The following RER1 variants were observed in gnomAD, a reference collection of about 807,000 sequenced individuals.
RER1 encodes the protein retention in endoplasmic reticulum sorting receptor 1.
In RER1, 6 loss-of-function variants were observed where a neutral mutation model predicts 28.3. The observed-to-expected ratio is 0.21, with a 90% CI of 0.12 to 0.42. RER1 has a LOEUF of 0.42. Among genes scored for constraint, RER1 ranks in the 10% least tolerant of loss-of-function variants. The probability of loss-of-function intolerance (pLI) is 1.00; values close to 1 mark genes in which losing one functional copy is unlikely to be tolerated. For synonymous variants in RER1, 110 were observed against 95.9 expected (o/e 1.15, Z -0.86); for missense variants, 159 against 252.9 (o/e 0.63, Z 2.52).
At chr1:2,401,814 C>G in intron 5 of RER1, 1 of 519,324 alleles carries the variant, frequency 1.9e-6, no homozygotes, top group Non-Finnish European at 3.4e-6. Context: ...TGTGCTGGGA[C>G]GGGAGGGAGC....
At chr1:2,392,612 C>T (rs1395697588) in intron 1 of RER1, among the ~76,000 whole-genome samples, 2 of 152,226 alleles carry the variant, frequency 1.3e-5, no homozygotes, top group Non-Finnish European at 2.9e-5. Flanking sequence ...CTTCAGTGGG[C>T]TTTTGCCCTT....
At chr1:2,401,909 C>A in intron 5 of RER1, 1 of 971,204 alleles carries the variant, frequency 1.0e-6, no homozygotes, top group Non-Finnish European at 1.5e-6. Flanking sequence ...ATCGCAGGCC[C>A]AGCCAGCAGG....
At chr1:2,401,281 TCCTCCTTCCTC>T (rs1193238828) in intron 5 of RER1, among the ~76,000 whole-genome samples, 1 of 38,074 alleles carries the variant, frequency 2.6e-5, no homozygotes, top group South Asian at 1.1e-3. Flanking sequence ...CCCTCCTCCC[TCCTCCTTCCTC>T]CCTCCTTCCT....
At chr1:2,398,085 G>A (rs966481847) in intron 3 of RER1, among the ~76,000 whole-genome samples, 4 of 152,252 alleles carry the variant, frequency 2.6e-5, no homozygotes, top group Admixed American at 6.5e-5. Context: ...AGCAGGGGGC[G>A]GGAAGAGTGC....
chr1:2,395,652 A>G (rs1642758781), intron 1 of RER1, 132 bp from the exon 2 acceptor site: 1 of 702,916 alleles, frequency 1.4e-6, no homozygotes, highest in Admixed American at 2.3e-5. Context: ...ATTCATGGTA[A>G]AAACACAAAT....
chr1:2,392,901 A>G (rs1452804352), intron 1 of RER1, among the ~76,000 whole-genome samples: 1 of 152,144 alleles, frequency 6.6e-6, no homozygotes, highest in Non-Finnish European at 1.5e-5. Flanking sequence ...GGGGTCTGGG[A>G]GGGCATTTCA....
At chr1:2,402,460 G>C (rs1642880612) in intron 6 of RER1, 118 bp downstream of exon 6, 32 of 1,324,664 alleles carry the variant, frequency 2.4e-5, no homozygotes, top group Non-Finnish European at 3.3e-5. Context: ...TGTGAATGTG[G>C]AGCTAAGTGG....
intron 5 of RER1, among the ~76,000 whole-genome samples, chr1:2,401,710 T>G (rs1397334797): frequency 1.3e-5 from 2 of 151,578 alleles, no homozygotes; most frequent in Admixed American, 1.3e-4. Context: ...GCAGATGGAG[T>G]GTGGTACAGA....
chr1:2,398,125 G>A (rs41477744), intron 3 of RER1, among the ~76,000 whole-genome samples: 2,246 of 152,318 alleles, frequency 0.015, 46 homozygotes, highest in African/African-American at 0.044. Flanking sequence ...TATTGCGTTC[G>A]AAACCAAGCT....
Position 2,405,369 on chromosome 1 carries a change from T to C in RER1, c.*2245T>C, listed in dbSNP as rs1642964674. 3 of 365,502 alleles carry C rather than the reference T, an allele frequency of 8.2e-6. No individual in the cohort carries two copies. Among genetic ancestry groups the C allele is most frequent in the South Asian group, 2.1e-5 (1 of 46,598 alleles). The allele number at this position is 365,502 out of a possible 1,614,324, so 22.6% of individuals were successfully genotyped here. ...ACCCAGCACGCACTCATTCAGTCCA[T>C]TGCCTTAACACAAGCCTGATGGGGC... On this transcript the variant is annotated 3_prime_UTR_variant, in exon 7 of 7. Coordinates refer to ENST00000605895, the MANE Select transcript of RER1 (RefSeq NM_007033.5).
At chr1:2,401,343 TCCCTCCTTCC>T (rs1642853434) in intron 5 of RER1, among the ~76,000 whole-genome samples, 1 of 6,032 alleles carries the variant, frequency 1.7e-4, no homozygotes, top group Non-Finnish European at 3.9e-4. Flanking sequence ...TCCCTCCTTC[TCCCTCCTTCC>T]TCCCTCCTCC....
chr1:2,395,577 C>T, intron 1 of RER1: 1 of 561,986 alleles, frequency 1.8e-6, no homozygotes, highest in Non-Finnish European at 3.2e-6. Flanking sequence ...GCTCCTGGGC[C>T]CATGCGTCTC....
At position 2,403,148 on chromosome 1, in the gene RER1, G is replaced by A. The variant is rs768487998; in HGVS notation, c.*24G>A. On this transcript the variant is annotated 3_prime_UTR_variant, in exon 7 of 7. Transcript: ENST00000605895. ...AGAAGCGGGACTGAGGCTGCCTCAC[G>A]TGTTGCAAGAACAGTTTTGAGCCAT... 5 of 1,584,788 alleles carry A rather than the reference G, an allele frequency of 3.2e-6. No homozygotes were observed. The highest frequency in any genetic ancestry group is 1.7e-5 in the Admixed American group (1 of 59,998).
At chr1:2,392,546 G>A (rs755398679) in intron 1 of RER1, among the ~76,000 whole-genome samples, 4 of 152,202 alleles carry the variant, frequency 2.6e-5, no homozygotes, top group African/African-American at 4.8e-5. Flanking sequence ...TAAAGGTATC[G>A]TTCGTTTCTC....
intron 2 of RER1, 69 bp from the exon 3 acceptor site, chr1:2,397,047 C>G: frequency 1.0e-6 from 1 of 984,120 alleles, no homozygotes; most frequent in African/African-American, 1.6e-5. Context: ...GCAGAAGGTA[C>G]ATTTTGTGGC....
At position 2,401,609 on chromosome 1, in the gene RER1, C is replaced by G. The variant is rs1377617337; in HGVS notation, c.366-598C>G. 4.0e-5 allele frequency among the ~76,000 whole-genome samples: 6 copies of G among 151,700 alleles called. No homozygotes were observed. In the East Asian group the frequency reaches 1.2e-3, roughly 30 times the overall value. On this transcript the variant is annotated intron_variant, in intron 5 of 6. Coordinates refer to ENST00000605895, the MANE Select transcript of RER1 (RefSeq NM_007033.5). Reference sequence around the variant, plus strand: ...TTTGTCTTGTCCCTCATACCCCACTCTGGGAGCACAGGAGGAACCCAAGTC... The same window carrying G: ...TTTGTCTTGTCCCTCATACCCCACTGTGGGAGCACAGGAGGAACCCAAGTC...
chr1:2,395,863 C>G lies in RER1; in HGVS notation c.73C>G (p.Leu25Val), dbSNP rs775455025. The G allele has an allele frequency of 1.2e-6, 2 of 1,613,224 alleles. No homozygotes were observed. Among genetic ancestry groups the G allele is most frequent in the Non-Finnish European group, 1.7e-6 (2 of 1,179,142 alleles). Reference sequence around the variant, plus strand: ...GGTGGTGTACAGATTTTTCACAAGACTTGGACAGGTTGGTGGGTTTTTTAG... The same window carrying G: ...GGTGGTGTACAGATTTTTCACAAGAGTTGGACAGGTTGGTGGGTTTTTTAG... ...PSVVYRFFTR[L>V]GQIYQSWLDK... The change falls in exon 2 of 7, where the codon CTT (leucine) becomes GTT (valine). Residue 25 changes from leucine to valine, a missense_variant. By Grantham distance (32) the Leu-to-Val change is conservative. Transcript: ENST00000605895.
chr1:2,397,550 G>T lies in RER1; in HGVS notation c.186+330G>T, dbSNP rs1263034987. On this transcript the variant is annotated intron_variant, in intron 3 of 6. Coordinates refer to ENST00000605895, the MANE Select transcript of RER1 (RefSeq NM_007033.5). ...TGCATGATGCTCAGGACAAGGTTGC[G>T]CTCTGTGGCTGCCTCATTCCTTGGG... Among the ~76,000 whole-genome samples the T allele has an allele frequency of 3.3e-5, 5 of 151,194 alleles. No homozygotes were observed. In the East Asian group the frequency reaches 7.7e-4, roughly 23 times the overall value.
chr1:2,402,057 T>G, intron 5 of RER1, 150 bp from the exon 6 acceptor site: 1 of 1,572,230 alleles, frequency 6.4e-7, no homozygotes, highest in Non-Finnish European at 8.6e-7. Context: ...CAAAGGGTCC[T>G]GCTGCTGCTG....
Sources: gnomAD v4.1 joint callset for allele counts (sites outside exome capture counted in the v4.1 genomes callset) on GRCh38, gnomAD v4.1.1 for gene constraint, MANE v1.5 for transcripts, NCBI Gene and HGNC (gene_info 2026-07-23, HGNC 2026-07-21) for gene names.